Variants in PLXDC1 observed in about 807,000 individuals in gnomAD.
PLXDC1 encodes plexin domain-containing protein 1.
A neutral mutation model predicts 61.3 loss-of-function variants in PLXDC1; 39 were observed. The ratio of observed to expected loss-of-function variants is 0.64; its 90% CI spans 0.49 to 0.83. The LOEUF (loss-of-function observed/expected upper bound fraction) is 0.83, where lower values mean the gene tolerates loss of function less well. Among genes scored for constraint, PLXDC1 ranks in the 40% least tolerant of loss-of-function variants. The pLI, the probability that PLXDC1 is intolerant of heterozygous loss-of-function variation, is 0.00. For missense variants in PLXDC1, 596 were observed against 666.5 expected, an observed-to-expected ratio of 0.89 and a Z score of 1.17; for synonymous variants, 212 against 254.5, an observed-to-expected ratio of 0.83 and a Z score of 1.59.
Position 39,139,689 on chromosome 17 carries a change from TG to T in PLXDC1, c.219del (p.Met74TrpfsTer36). The T allele has an allele frequency of 6.2e-7, 1 of 1,608,836 alleles. No homozygotes were observed. Among genetic ancestry groups the T allele is most frequent in the Non-Finnish European group, 8.5e-7 (1 of 1,176,798 alleles). ...GTCCTGTTATCTGGCAGCGTGTCCA[TG>T]GCCAGGGTGCCCCCACCCAGGTCCT... ...LSQDLGGGTL[A>X]MDTLPDNRTR... is the part of the protein sequence containing the mutation. On this transcript the variant is annotated frameshift_variant, in exon 2 of 14. Coordinates refer to ENST00000315392, the MANE Select transcript of PLXDC1 (RefSeq NM_020405.5). LOFTEE classifies it high-confidence loss of function.
At chr17:39,103,209 C>T (rs11651255) in intron 7 of PLXDC1, among the ~76,000 whole-genome samples, 37 of 137,420 alleles carry the variant, frequency 2.7e-4, no homozygotes, top group African/African-American at 8.2e-4. Flanking sequence ...AGCGAGACTC[C>T]GTCTCAAAAA....
chr17:39,151,031 G>A lies in PLXDC1; in HGVS notation c.76+331C>T, dbSNP rs951016869. Among the ~76,000 whole-genome samples the A allele has an allele frequency of 3.3e-5, 5 of 152,122 alleles. No homozygotes were observed. The highest frequency in any genetic ancestry group is 7.4e-5 in the Non-Finnish European group (5 of 68,002). The stretch of plus-strand genomic sequence containing the variant: ...ATCTCATCAGAATTCAGCCTTGCCT[G>A]GGGTGATCAGGGGTCCTGATGACTC... On this transcript the variant is annotated intron_variant, in intron 1 of 13. Transcript: ENST00000315392. The surrounding 1 kb of genome is among the most constrained non-coding windows in gnomAD (Gnocchi z 5.2).
intron 2 of PLXDC1, among the ~76,000 whole-genome samples, chr17:39,124,780 A>T (rs557981947): frequency 1.3e-5 from 2 of 152,292 alleles, no homozygotes; most frequent in East Asian, 3.9e-4. Flanking sequence ...TGTGGATTAA[A>T]CATAAAGCCA....
At chr17:39,097,467 C>T (rs1434548214) in intron 7 of PLXDC1, among the ~76,000 whole-genome samples, 1 of 152,090 alleles carries the variant, frequency 6.6e-6, no homozygotes, top group Non-Finnish European at 1.5e-5. Flanking sequence ...GACCCCTTAG[C>T]CACATAAAAG....
intron 2 of PLXDC1, among the ~76,000 whole-genome samples, chr17:39,117,233 A>G (rs1008853822): frequency 2.0e-5 from 3 of 152,202 alleles, no homozygotes; most frequent in Non-Finnish European, 4.4e-5. Context: ...CGACCACTGA[A>G]TGAACACGTG....
intron 2 of PLXDC1, among the ~76,000 whole-genome samples, chr17:39,130,152 G>C (rs1159210689): frequency 1.3e-5 from 2 of 152,106 alleles, no homozygotes; most frequent in East Asian, 3.9e-4. Context: ...TTTTCTTTTG[G>C]GTAATGAAAA....
At chr17:39,148,867 G>A (rs1265231123) in intron 1 of PLXDC1, among the ~76,000 whole-genome samples, 1 of 152,124 alleles carries the variant, frequency 6.6e-6, no homozygotes, top group Admixed American at 6.5e-5. Context: ...ACTGGTGCAA[G>A]CCCCCATTTT....
At position 39,109,268 on chromosome 17, in the gene PLXDC1, T is replaced by C; in HGVS notation, c.379A>G (p.Asn127Asp). The part of the protein sequence containing the change: ...SQVKIHTILS[N>D]THRQASRVVL... ...CTCACCGAAGCCTGCCGGTGGGTGTTGGAGAGTATTGTGTGGATCTTCACT... is the reference window on the plus strand; with the variant it reads ...CTCACCGAAGCCTGCCGGTGGGTGTCGGAGAGTATTGTGTGGATCTTCACT... The change falls in exon 3 of 14, where the codon AAC becomes GAC. Residue 127 changes from asparagine (N) to aspartate (D), a missense_variant. Coordinates refer to ENST00000315392, the MANE Select transcript of PLXDC1 (RefSeq NM_020405.5). 6.2e-7 allele frequency: 1 copy of C among 1,612,064 alleles called. No individual in the cohort carries two copies. Among genetic ancestry groups the C allele is most frequent in the Non-Finnish European group, 8.5e-7 (1 of 1,179,154 alleles).
chr17:39,085,331 A>G (rs901422691), intron 8 of PLXDC1, among the ~76,000 whole-genome samples: 3 of 152,228 alleles, frequency 2.0e-5, no homozygotes, highest in African/African-American at 7.2e-5. Flanking sequence ...AGCCATGGGC[A>G]GGAAAGAAGC....
At chr17:39,097,979 C>T (rs377038399) in intron 7 of PLXDC1, among the ~76,000 whole-genome samples, 33 of 149,416 alleles carry the variant, frequency 2.2e-4, no homozygotes, top group East Asian at 1.6e-3. Flanking sequence ...CCAAGGTGGG[C>T]GGATCACCTG....
At chr17:39,116,643 G>A (rs1910975869) in intron 2 of PLXDC1, among the ~76,000 whole-genome samples, 1 of 152,216 alleles carries the variant, frequency 6.6e-6, no homozygotes, top group African/African-American at 2.4e-5. Flanking sequence ...TCTTCTCTGA[G>A]GAAGTAAAGC....
At chr17:39,109,007 A>G in intron 3 of PLXDC1, 34 bp from the exon 4 acceptor site, 1 of 1,543,116 alleles carries the variant, frequency 6.5e-7, no homozygotes, top group Non-Finnish European at 9.0e-7. Flanking sequence ...GCACGGGCCA[A>G]GCTGCAGGCC....
chr17:39,141,969 G>C (rs930994754), intron 1 of PLXDC1, among the ~76,000 whole-genome samples: 3 of 152,104 alleles, frequency 2.0e-5, no homozygotes, highest in Admixed American at 6.6e-5. Flanking sequence ...TTGGAGAAAT[G>C]TCTATTTAAG....
At chr17:39,146,948 ATTTTTTTTTTTT>A (rs869300584) in intron 1 of PLXDC1, among the ~76,000 whole-genome samples, 2 of 74,686 alleles carry the variant, frequency 2.7e-5, no homozygotes, top group Non-Finnish European at 4.9e-5. Flanking sequence ...ACAGGAAATG[ATTTTTTTTTTTT>A]TTTTTTTTTT....
intron 2 of PLXDC1, among the ~76,000 whole-genome samples, chr17:39,126,117 G>T (rs1006202150): frequency 3.3e-5 from 5 of 152,128 alleles, no homozygotes; most frequent in Non-Finnish European, 7.3e-5. Flanking sequence ...AGCCGGATGT[G>T]GTGGCGCATG....
chr17:39,063,511 C>A lies in PLXDC1; in HGVS notation c.*4329G>T. The A allele has an allele frequency of 1.4e-6, 1 of 702,872 alleles. No individual in the cohort carries two copies. Among genetic ancestry groups the A allele is most frequent in the South Asian group, 1.5e-5 (1 of 67,570 alleles). 43.5% of individuals were successfully genotyped at this position (702,872 alleles called of 1,614,324 possible). A position where few individuals can be genotyped will look rare whatever the true frequency, so the allele number is the denominator to read the frequency against. ...GGCTGTTCCCACAGTCATGTCTCAG[C>A]GAAGAAGTCGGAGTTCAGCAGCCAT... On this transcript the variant is annotated 3_prime_UTR_variant, in exon 14 of 14. Transcript: ENST00000315392.
chr17:39,128,135 A>ATG (rs1911399740), intron 2 of PLXDC1, among the ~76,000 whole-genome samples: 1 of 98,272 alleles, frequency 1.0e-5, no homozygotes, highest in Non-Finnish European at 2.1e-5. Flanking sequence ...ATGTGTATAT[A>ATG]TATGTATATA....
intron 7 of PLXDC1, chr17:39,096,905 A>G (rs1454691720): frequency 4.2e-6 from 2 of 471,170 alleles, no homozygotes; most frequent in East Asian, 1.4e-4. Flanking sequence ...TGCCTCTGCA[A>G]ACAGATGCTG....
At chr17:39,081,946 C>T (rs1909578626) in intron 9 of PLXDC1, among the ~76,000 whole-genome samples, 1 of 152,112 alleles carries the variant, frequency 6.6e-6, no homozygotes, top group South Asian at 2.1e-4. Context: ...TGTCTCAAAA[C>T]AAAACAAAAA....
Sources: allele counts gnomAD v4.1 joint callset (sites outside exome capture counted in the v4.1 genomes callset), GRCh38; gene constraint gnomAD v4.1.1; non-coding constraint Gnocchi (gnomAD v3.1); transcripts MANE v1.5; gene names NCBI Gene and HGNC (gene_info 2026-07-23, HGNC 2026-07-21).